Variants in DMD observed in about 807,000 individuals in gnomAD.
DMD encodes the protein mutant dystrophin.
A neutral mutation model predicts 330.1 loss-of-function variants in DMD; 63 were observed. The observed-to-expected ratio is 0.19, with a 90% CI of 0.16 to 0.24. The LOEUF is 0.24. DMD is among the 10% of genes least tolerant of loss of function. DMD has a pLI of 1.00. For synonymous variants in DMD, 1,223 were observed against 959.8 expected, an observed-to-expected ratio of 1.27 and a Z score of -5.07; for missense variants, 3,344 against 2,684.1, an observed-to-expected ratio of 1.25 and a Z score of -5.43.
At chrX:32,557,648 C>T (rs1181049869) in intron 16 of DMD, among the ~76,000 whole-genome samples, 1 of 111,526 alleles carries the variant, frequency 9.0e-6, no homozygotes, top group East Asian at 2.8e-4. Flanking sequence ...GCTTAAAAAC[C>T]AACTCCACAG....
chrX:32,397,037 T>TA (rs1488844623), intron 30 of DMD, among the ~76,000 whole-genome samples: 3 of 111,140 alleles, frequency 2.7e-5, no homozygotes, highest in Non-Finnish European at 3.8e-5. Flanking sequence ...AAATCACTCA[T>TA]AAAAAAAGAC....
At position 32,563,904 on chromosome X, in the gene DMD, T is replaced by C. The variant is rs149648798; in HGVS notation, c.1992+1798A>G. The stretch of plus-strand genomic sequence containing the variant: ...AGGCTCAGGAGTACATATGAAGGTT[T>C]GTTACATAGGTAAATGTGTGTCACA... On this transcript the variant is annotated intron_variant, in intron 16 of 78. Coordinates refer to ENST00000357033, the MANE Select transcript of DMD (RefSeq NM_004006.3). 6.4e-3 allele frequency among the ~76,000 whole-genome samples: 718 copies of C among 111,745 alleles called. 7 individuals carry two copies. Among genetic ancestry groups the C allele is most frequent in the African/African-American group, 0.017 (523 of 30,718 alleles).
At chrX:31,893,556 C>T (rs902190841) in intron 47 of DMD, among the ~76,000 whole-genome samples, 2 of 104,677 alleles carry the variant, frequency 1.9e-5, no homozygotes, top group Non-Finnish European at 3.9e-5. Flanking sequence ...AATAATGTTA[C>T]TGTCACACAA....
In DMD at chrX:32,491,237, T is replaced by C. The variant is rs754415114; in HGVS notation, c.2622+40A>G. On this transcript the variant is annotated intron_variant, in intron 20 of 78. Transcript: ENST00000357033. ...TTCTTGGAAATTGCCAAGAAATACC[T>C]ATTGATTATGCTCCAAATGGAAGGA... The C allele has an allele frequency of 5.0e-6, 6 of 1,204,489 alleles. No homozygotes were observed. In the South Asian group the frequency reaches 8.8e-5, roughly 18 times the overall value.
At chrX:31,139,298 C>T (rs992584141) in intron 76 of DMD, among the ~76,000 whole-genome samples, 2 of 111,490 alleles carry the variant, frequency 1.8e-5, no homozygotes, top group African/African-American at 6.6e-5. Flanking sequence ...CCATTTGATC[C>T]AGCAGTCCCA....
chrX:32,396,890 G>C (rs999845479), intron 30 of DMD, among the ~76,000 whole-genome samples: 22 of 110,608 alleles, frequency 2.0e-4, no homozygotes, highest in Non-Finnish European at 4.0e-4. Flanking sequence ...ACCTAACCTC[G>C]TCAGAACTGT....
At chrX:33,302,348 A>C (rs768308794) in intron 1 of DMD, among the ~76,000 whole-genome samples, 1 of 111,750 alleles carries the variant, frequency 8.9e-6, no homozygotes, top group South Asian at 3.8e-4. Flanking sequence ...CATTAGACTG[A>C]TTTATAACCT....
chrX:32,186,160 C>G (rs1043293516), intron 44 of DMD, among the ~76,000 whole-genome samples: 7 of 110,743 alleles, frequency 6.3e-5, no homozygotes, highest in Admixed American at 4.8e-4. Context: ...TCTGACACAT[C>G]ACACTGGTTT....
intron 50 of DMD, among the ~76,000 whole-genome samples, chrX:31,794,161 C>T (rs375600797): frequency 1.8e-5 from 2 of 111,614 alleles, no homozygotes; most frequent in African/African-American, 6.5e-5. Context: ...TTATAGTATA[C>T]GTCTAAAATC....
chrX:31,366,499 TA>T (rs1198673918), intron 60 of DMD, among the ~76,000 whole-genome samples: 982 of 36,431 alleles, frequency 0.027, 17 homozygotes, highest in African/African-American at 0.085. Flanking sequence ...AAAAAAAACA[TA>T]AAAAAAAAAA....
intron 61 of DMD, among the ~76,000 whole-genome samples, chrX:31,341,347 T>C (rs189518051): frequency 1.8e-5 from 2 of 111,914 alleles, no homozygotes; most frequent in South Asian, 3.8e-4. Flanking sequence ...GGTGGAAAAG[T>C]GTGTCTTACA....
chrX:33,325,896 T>C (rs932741545), intron 1 of DMD, among the ~76,000 whole-genome samples: 1 of 111,605 alleles, frequency 9.0e-6, no homozygotes, highest in African/African-American at 3.3e-5. Context: ...TTATTTTAGG[T>C]GATGATTCCA....
chrX:31,631,267 C>T (rs182662324), intron 54 of DMD, among the ~76,000 whole-genome samples: 20 of 110,278 alleles, frequency 1.8e-4, no homozygotes, highest in African/African-American at 5.9e-4. Context: ...CTGGGCTGCC[C>T]GGACCCCTTT....
intron 2 of DMD, among the ~76,000 whole-genome samples, chrX:33,008,803 C>CACATATGTGT (rs367795613): frequency 1.6e-5 from 1 of 62,593 alleles, no homozygotes; most frequent in East Asian, 5.7e-4. Flanking sequence ...CGTATATATA[C>CACATATGTGT]GTATATATAC....
intron 43 of DMD, among the ~76,000 whole-genome samples, chrX:32,252,426 C>G (rs1261265216): frequency 9.4e-6 from 1 of 106,326 alleles, no homozygotes; most frequent in African/African-American, 3.4e-5. Context: ...TACATTTTCC[C>G]CCACTAAACA....
chrX:31,601,970 AC>A (rs1429146569), intron 55 of DMD, among the ~76,000 whole-genome samples: 42 of 111,544 alleles, frequency 3.8e-4, no homozygotes, highest in African/African-American at 1.2e-3. Flanking sequence ...ATGGACCCAA[AC>A]AGACTTATTT....
At chrX:32,117,653 G>C (rs938373325) in intron 44 of DMD, among the ~76,000 whole-genome samples, 1 of 112,244 alleles carries the variant, frequency 8.9e-6, no homozygotes, top group Admixed American at 9.4e-5. Context: ...TGGGAGAAGA[G>C]TGAATTTTAG....
chrX:32,527,405 G>A (rs2047021342), intron 17 of DMD, among the ~76,000 whole-genome samples: 1 of 110,281 alleles, frequency 9.1e-6, no homozygotes, highest in Non-Finnish European at 1.9e-5. Context: ...TACTATACAG[G>A]CACTTTCCTG....
chrX:31,999,747 C>T (rs762546381), intron 44 of DMD, among the ~76,000 whole-genome samples: 1 of 111,626 alleles, frequency 9.0e-6, no homozygotes, highest in Non-Finnish European at 1.9e-5. Flanking sequence ...TGGTAGTGAA[C>T]GTGGCAGTGG....
Sources: allele counts gnomAD v4.1 joint callset (sites outside exome capture counted in the v4.1 genomes callset), GRCh38; gene constraint gnomAD v4.1.1; transcripts MANE v1.5; gene names NCBI Gene and HGNC (gene_info 2026-07-23, HGNC 2026-07-21).